Variants in PPP2R2C observed in about 807,000 individuals in gnomAD.
The protein encoded by PPP2R2C is protein phosphatase 2 regulatory subunit Bgamma.
A neutral mutation model predicts 45.3 loss-of-function variants in PPP2R2C; 10 were observed. That is an observed-to-expected ratio of 0.22 (90% CI 0.14 to 0.37). PPP2R2C has a LOEUF of 0.37. Among genes scored for constraint, PPP2R2C ranks in the 10% least tolerant of loss-of-function variants. PPP2R2C has a pLI of 1.00. For missense variants in PPP2R2C, 308 were observed against 619.7 expected (o/e 0.50, Z 5.34); for synonymous variants, 257 against 245.4 (o/e 1.05, Z -0.44).
rs540867619 is a variant in PPP2R2C at position 6,375,703 on chromosome 4, C to T, written c.447+116G>A. On this transcript the variant is annotated intron_variant, in intron 4 of 8. Transcript: ENST00000382599. ...ACGCCCGTGGCCGCCCAGCAGCCAG[C>T]AGCCCAACCAGGGTCTGCACCTGAC... The T allele has an allele frequency of 5.8e-6, 5 of 862,718 alleles. No individual in the cohort carries two copies. The African/African-American group carries it at 8.6e-5, about 15-fold the overall frequency. 53.4% of individuals were successfully genotyped at this position (862,718 alleles called of 1,614,324 possible). A position where few individuals can be genotyped will look rare whatever the true frequency, so the allele number is the denominator to read the frequency against.
chr4:6,464,253 A>G (rs1281141003), intron 1 of PPP2R2C, among the ~76,000 whole-genome samples: 1 of 152,172 alleles, frequency 6.6e-6, no homozygotes, highest in Non-Finnish European at 1.5e-5. Context: ...TTTTGTAATT[A>G]TTTCATCCTA....
In PPP2R2C at chr4:6,472,470, G is replaced by A. The variant is rs1443467412; in HGVS notation, c.-241C>T. ...GCGGGTTCGGGCGGGCCGGGGCCCA[G>A]GCGCGCATCCCGGCCGGCCCGTGCG... On this transcript the variant is annotated 5_prime_UTR_variant, in exon 1 of 9. Transcript: ENST00000382599. 2.5e-5 allele frequency: 7 copies of A among 279,100 alleles called. No homozygotes were observed. Among genetic ancestry groups the A allele is most frequent in the Admixed American group, 6.7e-5 (1 of 14,896 alleles). The allele number at this position is 279,100 out of a possible 1,614,324, so 17.3% of individuals were successfully genotyped here.
chr4:6,354,163 C>T (rs1303379208), intron 5 of PPP2R2C, among the ~76,000 whole-genome samples: 1 of 151,284 alleles, frequency 6.6e-6, no homozygotes, highest in African/African-American at 2.4e-5. Flanking sequence ...TGCCCAAGCT[C>T]AGCTAGAGTG....
intron 8 of PPP2R2C, among the ~76,000 whole-genome samples, chr4:6,326,496 G>A (rs1320389386): frequency 6.6e-6 from 1 of 152,192 alleles, no homozygotes; most frequent in African/African-American, 2.4e-5. Context: ...GCCTGTTGTG[G>A]GAGGGCCTGC....
At chr4:6,441,482 T>A (rs755033251) in intron 1 of PPP2R2C, among the ~76,000 whole-genome samples, 3 of 152,254 alleles carry the variant, frequency 2.0e-5, no homozygotes, top group Non-Finnish European at 4.4e-5. Flanking sequence ...CTTGCCCTCC[T>A]GAGCTGCCAC....
At position 6,350,748 on chromosome 4, in the gene PPP2R2C, T is replaced by C. The variant is rs116394237; in HGVS notation, c.626-2738A>G. 2,098 of 985,296 alleles carry C rather than the reference T, an allele frequency of 2.1e-3. 30 individuals carry two copies. The African/African-American group carries it at 0.033, about 16-fold the overall frequency. The allele number at this position is 985,296 out of a possible 1,614,324, so 61.0% of individuals were successfully genotyped here. A position where few individuals can be genotyped will look rare whatever the true frequency, so the allele number is the denominator to read the frequency against. ...TTGCTTCTGCCAATGAATAGACAAGTGAGGCATGTCACCTCCAGGCTGAAG... is the reference window on the plus strand; with the variant it reads ...TTGCTTCTGCCAATGAATAGACAAGCGAGGCATGTCACCTCCAGGCTGAAG... On this transcript the variant is annotated intron_variant, in intron 5 of 8. Coordinates refer to ENST00000382599, the MANE Select transcript of PPP2R2C (RefSeq NM_020416.4).
intron 1 of PPP2R2C, among the ~76,000 whole-genome samples, chr4:6,460,616 T>A (rs1721273802): frequency 1.3e-5 from 2 of 152,140 alleles, no homozygotes; most frequent in South Asian, 4.1e-4. Flanking sequence ...AAAACCATCT[T>A]TCAGTGAATA....
chr4:6,374,894 A>G (rs1715173491), intron 4 of PPP2R2C, among the ~76,000 whole-genome samples: 1 of 152,194 alleles, frequency 6.6e-6, no homozygotes, highest in Admixed American at 6.5e-5. Flanking sequence ...TGAAATCGGA[A>G]GCAAACAAGG....
At chr4:6,514,096 A>G (rs1490589293) in intron 2 of PPP2R2C, among the ~76,000 whole-genome samples, 1 of 152,230 alleles carries the variant, frequency 6.6e-6, no homozygotes, top group Admixed American at 6.5e-5. Context: ...TAAGGAAAAA[A>G]TAATTTACCG....
chr4:6,450,651 C>T (rs1577192490), intron 1 of PPP2R2C, among the ~76,000 whole-genome samples: 1 of 152,164 alleles, frequency 6.6e-6, no homozygotes, highest in Non-Finnish European at 1.5e-5. Context: ...CAGAGGTGCA[C>T]GGAGGTCAGT....
chr4:6,420,925 G>A, intron 1 of PPP2R2C: 3 of 984,802 alleles, frequency 3.0e-6, no homozygotes, highest in Non-Finnish European at 3.6e-6. Context: ...TGCTTACCAA[G>A]CCTCCTCCTA....
intron 1 of PPP2R2C, among the ~76,000 whole-genome samples, chr4:6,413,618 G>A (rs1036683148): frequency 6.6e-6 from 1 of 152,200 alleles, no homozygotes; most frequent in Non-Finnish European, 1.5e-5. Context: ...TGCTGTGAGA[G>A]AACACCCTGC....
chr4:6,534,767 G>A (rs1724544193), intron 2 of PPP2R2C, among the ~76,000 whole-genome samples: 1 of 152,180 alleles, frequency 6.6e-6, no homozygotes, highest in South Asian at 2.1e-4. Context: ...TGGCTGCCCT[G>A]GTGGATTTCT....
intron 1 of PPP2R2C, among the ~76,000 whole-genome samples, chr4:6,543,539 G>A (rs1025962920): frequency 6.6e-6 from 1 of 152,138 alleles, no homozygotes; most frequent in Non-Finnish European, 1.5e-5. Flanking sequence ...TGACCAACCT[G>A]GCCAAACCCC....
At position 6,482,214 on chromosome 4, in the gene PPP2R2C, T is replaced by C. The variant is rs577209299; in HGVS notation, c.49+53057A>G. On this transcript the variant is annotated intron_variant, in intron 2 of 9. Transcript: ENST00000506140. ...AACCATTTATATAGAAGTTAATATG[T>C]GCCAGCTACTGTTCTAAACACCTTA... Among the ~76,000 whole-genome samples, 3 of 152,354 alleles carry C rather than the reference T, an allele frequency of 2.0e-5. No individual in the cohort carries two copies. The South Asian group carries it at 6.2e-4, about 32-fold the overall frequency.
chr4:6,518,922 TAAAAAAAAAAAAAAAAAA>T (rs56002128), intron 2 of PPP2R2C, among the ~76,000 whole-genome samples: 33 of 92,922 alleles, frequency 3.6e-4, no homozygotes, highest in South Asian at 1.9e-3. Flanking sequence ...GACTCTGTCT[TAAAAAAAAAAAAAAAAAA>T]AAAAAAAAAA....
intron 3 of PPP2R2C, among the ~76,000 whole-genome samples, chr4:6,377,572 T>C (rs1297352430): frequency 6.6e-6 from 1 of 151,896 alleles, no homozygotes; most frequent in Admixed American, 6.6e-5. Flanking sequence ...GGCAGAAAAA[T>C]TGCTTGAACC....
chr4:6,550,997 G>T (rs936748393), intron 1 of PPP2R2C, among the ~76,000 whole-genome samples: 2 of 152,276 alleles, frequency 1.3e-5, no homozygotes, highest in Admixed American at 6.5e-5. Flanking sequence ...CCTCCTGGAG[G>T]TCAATTGCCA....
intron 1 of PPP2R2C, among the ~76,000 whole-genome samples, chr4:6,543,887 G>C (rs1190132004): frequency 6.6e-6 from 1 of 152,190 alleles, no homozygotes; most frequent in East Asian, 1.9e-4. Context: ...TTTTACGTGG[G>C]TCTGCTCTCC....
Sources: allele counts gnomAD v4.1 joint callset (sites outside exome capture counted in the v4.1 genomes callset), GRCh38; gene constraint gnomAD v4.1.1; transcripts MANE v1.5; gene names NCBI Gene and HGNC (gene_info 2026-07-23, HGNC 2026-07-21).